The following DNER variants were observed in gnomAD, a reference collection of about 807,000 sequenced individuals.
DNER encodes the protein delta/notch like EGF repeat containing, also known as delta and Notch-like epidermal growth factor-related receptor.
A neutral mutation model predicts 78.2 loss-of-function variants in DNER; 33 were observed. The ratio of observed to expected loss-of-function variants is 0.42; its 90% CI spans 0.32 to 0.56. The LOEUF is 0.56. DNER is among the 20% of genes least tolerant of loss of function. The probability of loss-of-function intolerance (pLI) is 0.11; values close to 1 mark genes in which losing one functional copy is unlikely to be tolerated. For missense variants in DNER, 918 were observed against 975.3 expected, an observed-to-expected ratio of 0.94 and a Z score of 0.78; for synonymous variants, 417 against 384.8, an observed-to-expected ratio of 1.08 and a Z score of -0.98.
chr2:229,509,178 A>G (rs1368346810), intron 6 of DNER, among the ~76,000 whole-genome samples: 1 of 152,226 alleles, frequency 6.6e-6, no homozygotes, highest in Non-Finnish European at 1.5e-5. Context: ...AAATCCTTTA[A>G]AAAAAGATGA....
intron 8 of DNER, among the ~76,000 whole-genome samples, chr2:229,433,697 A>T (rs1694063996): frequency 6.6e-6 from 1 of 152,212 alleles, no homozygotes; most frequent in Non-Finnish European, 1.5e-5. Context: ...CAGAAAATGG[A>T]AGATATTAGA....
intron 9 of DNER, among the ~76,000 whole-genome samples, chr2:229,412,997 C>T (rs1276652112): frequency 1.3e-5 from 2 of 152,058 alleles, no homozygotes; most frequent in Non-Finnish European, 2.9e-5. Flanking sequence ...AGCAGGGACA[C>T]AAAAAGTCAA....
At chr2:229,376,695 G>A (rs573228045) in intron 11 of DNER, among the ~76,000 whole-genome samples, 1 of 152,322 alleles carries the variant, frequency 6.6e-6, no homozygotes, top group East Asian at 1.9e-4. Context: ...ATGTTGAAGA[G>A]TGTGTATAAA....
intron 9 of DNER, among the ~76,000 whole-genome samples, chr2:229,416,611 C>A (rs1313099985): frequency 6.6e-6 from 1 of 152,178 alleles, no homozygotes; most frequent in Admixed American, 6.5e-5. Flanking sequence ...CTCCTAGGGT[C>A]AGACGCAGCA....
At chr2:229,622,355 C>A (rs975134243) in intron 1 of DNER, among the ~76,000 whole-genome samples, 1 of 152,158 alleles carries the variant, frequency 6.6e-6, no homozygotes, top group Non-Finnish European at 1.5e-5. Context: ...CCTTTGACCC[C>A]CAAAGGCCAG....
At chr2:229,419,974 C>G (rs955850916) in intron 8 of DNER, among the ~76,000 whole-genome samples, 2 of 149,108 alleles carry the variant, frequency 1.3e-5, no homozygotes, top group East Asian at 3.9e-4. Context: ...CTACAGGAGG[C>G]TGCGCAGGAC....
chr2:229,442,048 C>A (rs1694246791), intron 8 of DNER, among the ~76,000 whole-genome samples: 2 of 152,088 alleles, frequency 1.3e-5, no homozygotes, highest in South Asian at 4.1e-4. Context: ...GATCAGGATT[C>A]CATTTGGGGT....
intron 1 of DNER, among the ~76,000 whole-genome samples, chr2:229,622,316 T>C (rs951239032): frequency 1.3e-5 from 2 of 152,048 alleles, no homozygotes; most frequent in African/African-American, 4.8e-5. Flanking sequence ...CCCTTCCCCA[T>C]ATGACTTAGA....
chr2:229,412,570 A>T (rs1315822408), intron 9 of DNER, among the ~76,000 whole-genome samples: 4 of 152,176 alleles, frequency 2.6e-5, no homozygotes, highest in African/African-American at 9.7e-5. Context: ...GAAAATAGAG[A>T]GTTAAAGGAG....
chr2:229,667,118 G>A (rs1218031962), intron 1 of DNER, among the ~76,000 whole-genome samples: 1 of 152,166 alleles, frequency 6.6e-6, no homozygotes, highest in Non-Finnish European at 1.5e-5. Flanking sequence ...TCACAGACCT[G>A]GAAAAGACTC....
chr2:229,613,664 T>G (rs1356888739), intron 1 of DNER, among the ~76,000 whole-genome samples: 2 of 151,698 alleles, frequency 1.3e-5, no homozygotes, highest in Non-Finnish European at 2.9e-5. Flanking sequence ...CTAAGTTTCC[T>G]GGGTATTTTT....
chr2:229,465,249 C>T (rs1694780219), intron 7 of DNER, among the ~76,000 whole-genome samples: 1 of 152,060 alleles, frequency 6.6e-6, no homozygotes, highest in Non-Finnish European at 1.5e-5. Flanking sequence ...ACTATGCAGC[C>T]ATAAAAAGGA....
chr2:229,523,477 T>G (rs1258441312), intron 5 of DNER, among the ~76,000 whole-genome samples: 1 of 152,196 alleles, frequency 6.6e-6, no homozygotes, highest in Non-Finnish European at 1.5e-5. Context: ...GTCTTTACTC[T>G]GTGTTTGTCT....
rs182122672 is a variant in DNER, at chr2:229,601,389, T to C, written c.277-9501A>G. On this transcript the variant is annotated intron_variant, in intron 1 of 12. Transcript: ENST00000341772. The stretch of plus-strand genomic sequence containing the variant: ...GTAGTAGACTCAGCCAAGAAATGCA[T>C]CCCAAGATTTTTTTCCCAAATCCAA... 7.9e-5 allele frequency among the ~76,000 whole-genome samples: 12 copies of C among 152,284 alleles called. No homozygotes were observed. In the East Asian group the frequency reaches 2.1e-3, roughly 27 times the overall value.
At chr2:229,519,350 T>A (rs1164270457) in intron 5 of DNER, among the ~76,000 whole-genome samples, 1 of 152,202 alleles carries the variant, frequency 6.6e-6, no homozygotes, top group African/African-American at 2.4e-5. Flanking sequence ...GAACTTATAA[T>A]TCTATTTTAC....
chr2:229,583,898 T>C (rs1228836116), intron 4 of DNER, among the ~76,000 whole-genome samples: 1 of 152,252 alleles, frequency 6.6e-6, no homozygotes, highest in Non-Finnish European at 1.5e-5. Context: ...TGTCAAGCTA[T>C]GTTCATTCCC....
At chr2:229,551,656 G>A (rs1490663067) in intron 4 of DNER, among the ~76,000 whole-genome samples, 2 of 149,248 alleles carry the variant, frequency 1.3e-5, no homozygotes, top group African/African-American at 4.9e-5. Flanking sequence ...AAATAAGGAA[G>A]GGCGCAGTGG....
intron 12 of DNER, among the ~76,000 whole-genome samples, chr2:229,365,858 C>G (rs1692334935): frequency 6.6e-6 from 1 of 152,246 alleles, no homozygotes; most frequent in African/African-American, 2.4e-5. Flanking sequence ...CTACAGCACA[C>G]TTACTTTCTG....
intron 1 of DNER, among the ~76,000 whole-genome samples, chr2:229,601,215 A>G (rs1043391859): frequency 6.6e-6 from 1 of 152,232 alleles, no homozygotes; most frequent in Non-Finnish European, 1.5e-5. Context: ...GCAAATGAAC[A>G]ATGTTGGGGT....
Sources: gnomAD v4.1 joint callset for allele counts (sites outside exome capture counted in the v4.1 genomes callset) on GRCh38, gnomAD v4.1.1 for gene constraint, MANE v1.5 for transcripts, NCBI Gene and HGNC (gene_info 2026-07-23, HGNC 2026-07-21) for gene names.